ACLY: variants seen among roughly 807,000 people sequenced by gnomAD.
The protein encoded by ACLY is ATP citrate lyase.
Under a neutral mutation model 133.0 loss-of-function variants are expected in ACLY, and 41 were observed. That is an observed-to-expected ratio of 0.31 (90% CI 0.24 to 0.40). The LOEUF is 0.40. Among genes scored for constraint, ACLY ranks in the 10% least tolerant of loss-of-function variants. ACLY has a pLI of 1.00. For synonymous variants in ACLY, 495 were observed against 549.3 expected (o/e 0.90, Z 1.38); for missense variants, 1,046 against 1,453.8 (o/e 0.72, Z 4.56).
In ACLY at chr17:41,904,796, T is replaced by A; in HGVS notation, c.1004-6A>T. On this transcript the variant is annotated splice_region_variant and splice_polypyrimidine_tract_variant and intron_variant, in intron 9 of 28. Coordinates refer to ENST00000352035, the MANE Select transcript of ACLY (RefSeq NM_001096.3). ...TCCAATGATGAGGATCTTGCCTGGA[T>A]TTGGAGTAAGAGAGAATCAAAAACA... 1 of 1,613,514 alleles carries A rather than the reference T, an allele frequency of 6.2e-7. No homozygotes were observed.
chr17:41,898,159 C>G (rs1197430939), intron 12 of ACLY, among the ~76,000 whole-genome samples: 9 of 152,208 alleles, frequency 5.9e-5, no homozygotes, highest in African/African-American at 2.2e-4. Flanking sequence ...TTGCTCAGAG[C>G]TGGAGTGCAA....
At chr17:41,882,826 A>G (rs782663992) in intron 20 of ACLY, among the ~76,000 whole-genome samples, 1 of 152,014 alleles carries the variant, frequency 6.6e-6, no homozygotes, top group Non-Finnish European at 1.5e-5. Context: ...TACAGTTCAA[A>G]CATCACCTTC....
upstream of ACLY, among the ~76,000 whole-genome samples, chr17:41,919,999 AAGG>A (rs1456920926): frequency 1.3e-5 from 2 of 152,170 alleles, no homozygotes; most frequent in Non-Finnish European, 2.9e-5. Context: ...TAGCTCCAGG[AAGG>A]AGGCCAAAAG....
rs2144442862 is a variant in ACLY, at chr17:41,918,903, GCTT to G, written c.-50_-48del. On this transcript the variant is annotated 5_prime_UTR_variant, in exon 1 of 29. Transcript: ENST00000352035. ...ACCTCTGCCGAAGTCCGTGCGCGGC[GCTT>G]CTTCCACAGGCCCGACGAACCCCGC... is the stretch of plus-strand genomic sequence containing the variant. The G allele has an allele frequency of 7.8e-7, 1 of 1,288,494 alleles. No homozygotes were observed. The highest frequency in any genetic ancestry group is 1.5e-5 in the African/African-American group (1 of 65,772). The allele number at this position is 1,288,494 out of a possible 1,614,324, so 79.8% of individuals were successfully genotyped here. A position where few individuals can be genotyped will look rare whatever the true frequency, so the allele number is the denominator to read the frequency against.
chr17:41,885,680 G>C (rs1200002861), intron 18 of ACLY, among the ~76,000 whole-genome samples: 6 of 152,120 alleles, frequency 3.9e-5, no homozygotes, highest in South Asian at 2.1e-4. Context: ...CATGAGGTGG[G>C]GGTATTATTT....
At position 41,887,763 on chromosome 17, in the gene ACLY, A is replaced by C. The variant is rs553541682; in HGVS notation, c.1771-60T>G. 1.5e-4 allele frequency: 214 copies of C among 1,451,382 alleles called. No homozygotes were observed. The African/African-American group carries it at 2.8e-3, about 19-fold the overall frequency. 89.9% of individuals were successfully genotyped at this position (1,451,382 alleles called of 1,614,324 possible). ...TCTGCCTCAGAAAGGGCAACAAGAC[A>C]GCACCGTTTAAGGGCCCACCTCCCA... On this transcript the variant is annotated intron_variant, in intron 16 of 28. Transcript: ENST00000352035.
chr17:41,893,101 G>T lies in ACLY; in HGVS notation c.1533C>A (p.Gly511=). 1 of 1,614,162 alleles carries T rather than the reference G, an allele frequency of 6.2e-7. No homozygotes were observed. The highest frequency in any genetic ancestry group is 8.5e-7 in the Non-Finnish European group (1 of 1,180,000). ...AGCAGACATAGTCAAAGTCCAGCAT[G>T]CCTTGCACGGCCCGGGTCTGCATGC... ...VWGMQTRAVQ[G]MLDFDYVCSR... Residue 511 remains glycine (G), a synonymous_variant, in exon 15 of 29, where the codon GGC becomes GGA. Coordinates refer to ENST00000352035, the MANE Select transcript of ACLY (RefSeq NM_001096.3).
chr17:41,878,827 C>T lies in ACLY; in HGVS notation c.2363G>A (p.Arg788Gln), dbSNP rs782119490. The T allele has an allele frequency of 1.7e-5, 27 of 1,613,864 alleles. No homozygotes were observed. The East Asian group carries it at 2.0e-4, about 12-fold the overall frequency. ...ALKEAGVFVPRSFDELGEIIQ... is the reference protein window; with the variant it reads ...ALKEAGVFVPQSFDELGEIIQ... ...GATCTCTCCAAGCTCATCAAAGCTC[C>T]GGGGCACAAACACTCCTGCTTCCTT... The change falls in exon 21 of 29, where the codon CGG (arginine) becomes CAG (glutamine). Residue 788 changes from arginine to glutamine, a missense_variant. Around this residue, in one of 4 missense-constraint regions of ACLY, gnomAD observed 575 missense variants for 804.2 expected, o/e 0.71. Transcript: ENST00000352035.
At chr17:41,894,136 G>A (rs2049293938) in intron 14 of ACLY, among the ~76,000 whole-genome samples, 1 of 150,740 alleles carries the variant, frequency 6.6e-6, no homozygotes, top group South Asian at 2.1e-4. Context: ...AGAATCGCTC[G>A]AACCCGGGAG....
At chr17:41,895,774 C>A (rs1242832671) in intron 14 of ACLY, among the ~76,000 whole-genome samples, 3 of 152,158 alleles carry the variant, frequency 2.0e-5, no homozygotes, top group African/African-American at 7.2e-5. Context: ...GCATTCCAGG[C>A]CTTTCCAGCT....
In ACLY at chr17:41,901,757, T is replaced by G. The variant is rs387907382; in HGVS notation, c.1122A>C (p.Thr374=). 6.2e-6 allele frequency: 10 copies of G among 1,607,724 alleles called. No homozygotes were observed. The highest frequency in any genetic ancestry group is 8.5e-6 in the Non-Finnish European group (10 of 1,176,286). Reference sequence around the variant, plus strand: ...TGGGGCCACCTCTTCGGACAAAGATTGTGACTTCGTGCTCCTTCAGGGGGC... The same window carrying G: ...TGGGGCCACCTCTTCGGACAAAGATGGTGACTTCGTGCTCCTTCAGGGGGC... ...YQGPLKEHEV[T]IFVRRGGPNY... The change falls in exon 11 of 29, where the codon ACA becomes ACC. Residue 374 remains threonine (T), a synonymous_variant. Coordinates refer to ENST00000352035, the MANE Select transcript of ACLY (RefSeq NM_001096.3).
intron 13 of ACLY, among the ~76,000 whole-genome samples, chr17:41,896,902 G>A (rs2049384342): frequency 6.6e-6 from 1 of 152,234 alleles, no homozygotes; most frequent in Non-Finnish European, 1.5e-5. Flanking sequence ...GACAAAGGCT[G>A]GGCAGATGTG....
chr17:41,925,249 G>A (rs942256906), intron 1 of ACLY, among the ~76,000 whole-genome samples: 4 of 151,328 alleles, frequency 2.6e-5, no homozygotes, highest in Non-Finnish European at 5.9e-5. Context: ...CACCCTGGGC[G>A]ACAGAGCGAA....
chr17:41,921,497 AAAAAAGAAAAAAAGGAAAAG>A (rs1555635430), upstream of ACLY, among the ~76,000 whole-genome samples: 7 of 147,648 alleles, frequency 4.7e-5, no homozygotes, highest in African/African-American at 1.7e-4. Flanking sequence ...AAAAAAAAAC[AAAAAAGAAAAAAAGGAAAAG>A]AAAAGAAAGA....
intron 14 of ACLY, 31 bp downstream of exon 14, chr17:41,896,589 G>A (rs67473931): frequency 0.16 from 238,343 of 1,528,214 alleles, 19,662 homozygotes; most frequent in Non-Finnish European, 0.16. Flanking sequence ...AAAGCCACAC[G>A]CGGAGTGGGG....
At chr17:41,875,024 T>C (rs1023536595) in intron 22 of ACLY, among the ~76,000 whole-genome samples, 10 of 150,622 alleles carry the variant, frequency 6.6e-5, no homozygotes, top group Non-Finnish European at 1.5e-4. Context: ...AAATCTTACA[T>C]ACACTTCAGA....
At chr17:41,919,282 G>T (rs2050142232), upstream of ACLY, among the ~76,000 whole-genome samples, 1 of 138,294 alleles carries the variant, frequency 7.2e-6, no homozygotes, top group Non-Finnish European at 1.6e-5. Context: ...TGAGGGGCTG[G>T]ACAGATTGCC....
intron 17 of ACLY, among the ~76,000 whole-genome samples, 162 bp downstream of exon 17, chr17:41,887,437 C>CA (rs1408790044): frequency 4.7e-5 from 7 of 150,330 alleles, no homozygotes; most frequent in East Asian, 3.9e-4. Flanking sequence ...GGCTGTGTCT[C>CA]AAAAAAAAAG....
Position 41,869,571 on chromosome 17 carries a change from A to G in ACLY, c.2954T>C (p.Met985Thr). The change falls in exon 26 of 29, where the codon ATG (methionine) becomes ACG (threonine). Residue 985 changes from methionine (M) to threonine (T), a missense_variant. By Grantham distance (81) the Met-to-Thr change is moderately conservative. Transcript: ENST00000352035. ...GTAATCTTTGAGGATCTGCACTCGC[A>G]TGTCTGGGTTGTTTATCTAGAAATG... ...HRVKSINNPD[M>T]RVQILKDYVR... The G allele has an allele frequency of 6.2e-7, 1 of 1,614,076 alleles. No individual in the cohort carries two copies. Among genetic ancestry groups the G allele is most frequent in the Non-Finnish European group, 8.5e-7 (1 of 1,179,980 alleles).
Sources: allele counts gnomAD v4.1 joint callset (sites outside exome capture counted in the v4.1 genomes callset), GRCh38; gene constraint gnomAD v4.1.1; regional missense constraint gnomAD v4.1.1; transcripts MANE v1.5; gene names NCBI Gene and HGNC (gene_info 2026-07-23, HGNC 2026-07-21).